CTNNA2: variants seen among roughly 807,000 people sequenced by gnomAD.
CTNNA2 encodes catenin alpha 2.
CTNNA2 carries 42 observed loss-of-function variants against 101.0 expected under a neutral mutation model. The ratio of observed to expected loss-of-function variants is 0.42; its 90% CI spans 0.32 to 0.54. CTNNA2 has a LOEUF of 0.54. Ranked by LOEUF, CTNNA2 falls within the 20% of genes least tolerant of loss-of-function variation. The pLI, the probability that CTNNA2 is intolerant of heterozygous loss-of-function variation, is 0.14. For synonymous variants in CTNNA2, 450 were observed against 456.4 expected (o/e 0.99, Z 0.18); for missense variants, 871 against 1,223.1 (o/e 0.71, Z 4.29).
intron 7 of CTNNA2, among the ~76,000 whole-genome samples, chr2:80,046,331 C>T (rs1301477035): frequency 6.6e-6 from 1 of 152,078 alleles, no homozygotes; most frequent in African/African-American, 2.4e-5. Context: ...TTAACTCACT[C>T]AGACTCTGGA....
intron 3 of CTNNA2, among the ~76,000 whole-genome samples, chr2:79,745,389 C>T (rs1005519915): frequency 1.3e-5 from 2 of 151,872 alleles, no homozygotes; most frequent in African/African-American, 4.8e-5. Flanking sequence ...CAAGATCGCG[C>T]CGCTGCACTC....
intron 4 of CTNNA2, among the ~76,000 whole-genome samples, chr2:79,447,873 T>G (rs1678850696): frequency 1.3e-5 from 2 of 152,076 alleles, no homozygotes; most frequent in South Asian, 4.1e-4. Context: ...CTGGCTGCAT[T>G]GATCTAACTG....
At chr2:79,342,046 T>A (rs1677150278) in intron 3 of CTNNA2, among the ~76,000 whole-genome samples, 1 of 152,216 alleles carries the variant, frequency 6.6e-6, no homozygotes, top group Non-Finnish European at 1.5e-5. Flanking sequence ...TAAGCTCCTA[T>A]ATTTTTAGTC....
chr2:79,831,744 A>AT (rs11349954), intron 3 of CTNNA2, among the ~76,000 whole-genome samples: 27 of 147,550 alleles, frequency 1.8e-4, no homozygotes, highest in East Asian at 6.1e-4. Context: ...GAGAGTACAC[A>AT]TTTTTTTTTT....
chr2:79,619,239 C>T (rs1167826012), intron 1 of CTNNA2, among the ~76,000 whole-genome samples: 2 of 152,112 alleles, frequency 1.3e-5, no homozygotes, highest in African/African-American at 4.8e-5. Flanking sequence ...CATACATTAT[C>T]AGTTTTGAGA....
chr2:80,328,408 C>T, intron 7 of CTNNA2: 1 of 470,712 alleles, frequency 2.1e-6, no homozygotes, highest in Non-Finnish European at 4.4e-6. Context: ...AATGGCTAGG[C>T]TGAGGGGCCA....
chr2:79,419,422 G>T (rs1678516428), intron 4 of CTNNA2, among the ~76,000 whole-genome samples: 1 of 152,074 alleles, frequency 6.6e-6, no homozygotes, highest in South Asian at 2.1e-4. Flanking sequence ...GATTGTAAAA[G>T]AAATTACTAC....
At chr2:80,190,614 G>T (rs566860535) in intron 7 of CTNNA2, among the ~76,000 whole-genome samples, 1 of 152,066 alleles carries the variant, frequency 6.6e-6, no homozygotes, top group African/African-American at 2.4e-5. Flanking sequence ...TGCCATACAG[G>T]GTTATTCTAA....
At chr2:79,303,848 A>C (rs1229932823) in intron 2 of CTNNA2, among the ~76,000 whole-genome samples, 1 of 151,914 alleles carries the variant, frequency 6.6e-6, no homozygotes, top group Non-Finnish European at 1.5e-5. Flanking sequence ...CACACTTAAC[A>C]AGCAGATGAA....
At chr2:79,606,840 A>G (rs1372895087) in intron 1 of CTNNA2, among the ~76,000 whole-genome samples, 2 of 152,214 alleles carry the variant, frequency 1.3e-5, no homozygotes, top group African/African-American at 4.8e-5. Flanking sequence ...TTTAAAAAGT[A>G]TTTAATTCAA....
At chr2:79,202,732 C>G (rs200903469) in intron 2 of CTNNA2, among the ~76,000 whole-genome samples, 9,270 of 151,216 alleles carry the variant, frequency 0.061, 365 homozygotes, top group East Asian at 0.16. Flanking sequence ...TTCTACGTTT[C>G]TTTGTTTGTT....
At chr2:80,639,433 C>A (rs2149850248) in intron 18 of CTNNA2, among the ~76,000 whole-genome samples, 1 of 152,118 alleles carries the variant, frequency 6.6e-6, no homozygotes, top group African/African-American at 2.4e-5. Context: ...TGGTCTCGAT[C>A]TCCTGACCTC....
intron 4 of CTNNA2, among the ~76,000 whole-genome samples, chr2:79,436,096 C>A (rs1429080620): frequency 6.6e-6 from 1 of 152,160 alleles, no homozygotes; most frequent in Non-Finnish European, 1.5e-5. Flanking sequence ...TTTTAACAAG[C>A]ACCACAGGCT....
At chr2:80,476,646 C>CAA (rs1357654495) in intron 9 of CTNNA2, among the ~76,000 whole-genome samples, 12 of 152,250 alleles carry the variant, frequency 7.9e-5, no homozygotes, top group South Asian at 6.2e-4. Flanking sequence ...ACTCAGACGA[C>CAA]AACCAGGCAG....
intron 3 of CTNNA2, among the ~76,000 whole-genome samples, chr2:79,335,280 G>A (rs1343544349): frequency 3.9e-5 from 6 of 152,062 alleles, no homozygotes; most frequent in Non-Finnish European, 7.4e-5. Flanking sequence ...ATAATTAGCA[G>A]AACTGGAAAG....
rs1483064971 is a variant in CTNNA2, at chr2:80,581,793, C to T, written c.1981C>T (p.Gln661Ter). The T allele has an allele frequency of 6.2e-7, 1 of 1,611,370 alleles. No homozygotes were observed. Residue 661 changes from glutamine to a stop codon, truncating the protein, a stop_gained, in exon 14 of 19, where the codon CAG becomes TAG. Transcript: ENST00000402739. LOFTEE classifies it high-confidence loss of function. ...GACAAGTGTTCAGACTGAGGATGAC[C>T]AGCTCATTGCAGGGCAGAGCGCACG... Reference protein sequence around the residue: ...SRTSVQTEDDQLIAGQSARAI... With the variant: ...SRTSVQTEDD
intron 7 of CTNNA2, among the ~76,000 whole-genome samples, chr2:80,073,310 TG>T (rs1176611515): frequency 6.6e-6 from 1 of 152,104 alleles, no homozygotes; most frequent in East Asian, 1.9e-4. Context: ...TTCCTTGCTG[TG>T]GAAGTCTGTC....
chr2:79,306,464 T>A (rs1410499647), intron 2 of CTNNA2, among the ~76,000 whole-genome samples: 1 of 152,228 alleles, frequency 6.6e-6, no homozygotes, highest in East Asian at 1.9e-4. Flanking sequence ...TAAATACACA[T>A]AATTTTTGTT....
rs563311950 is a variant in CTNNA2, at chr2:80,603,863, T to C, written c.2190-211T>C. 9.5e-6 allele frequency: 5 copies of C among 525,860 alleles called. No individual in the cohort carries two copies. The East Asian group carries it at 1.5e-4, about 16-fold the overall frequency. The allele number at this position is 525,860 out of a possible 1,614,324, so 32.6% of individuals were successfully genotyped here. A position where few individuals can be genotyped will look rare whatever the true frequency, so the allele number is the denominator to read the frequency against. ...ATAGAACTTAATGTAAAAGATAAAA[T>C]GTGAACATGCACATAAAAATATGGG... On this transcript the variant is annotated intron_variant, in intron 15 of 18. Transcript: ENST00000402739.
Sources: allele counts gnomAD v4.1 joint callset (sites outside exome capture counted in the v4.1 genomes callset), GRCh38; gene constraint gnomAD v4.1.1; transcripts MANE v1.5; gene names NCBI Gene and HGNC (gene_info 2026-07-23, HGNC 2026-07-21).